The following LARGE1 variants were observed in gnomAD, a reference collection of about 807,000 sequenced individuals.
LARGE1 encodes xylosyl- and glucuronyltransferase LARGE1.
Under a neutral mutation model 87.6 loss-of-function variants are expected in LARGE1, and 43 were observed. The observed-to-expected ratio is 0.49, with a 90% CI of 0.38 to 0.63. LARGE1 has a LOEUF of 0.63. LARGE1 is among the 30% of genes least tolerant of loss of function. The pLI is 0.00. For missense variants in LARGE1, 802 were observed against 1,000.2 expected (o/e 0.80, Z 2.67); for synonymous variants, 434 against 394.6 (o/e 1.10, Z -1.18).
At chr22:33,480,964 T>G (rs982413398) in intron 6 of LARGE1, among the ~76,000 whole-genome samples, 1 of 152,152 alleles carries the variant, frequency 6.6e-6, no homozygotes, top group Non-Finnish European at 1.5e-5. Context: ...CAACTTAAAT[T>G]TAAATTTATC....
rs946151654 is a variant in LARGE1 at position 33,443,571 on chromosome 22, G to A, written c.788-11306C>T. Among the ~76,000 whole-genome samples, 7 of 152,216 alleles carry A rather than the reference G, an allele frequency of 4.6e-5. No homozygotes were observed. In the East Asian group the frequency reaches 5.8e-4, roughly 13 times the overall value. On this transcript the variant is annotated intron_variant, in intron 6 of 14. Transcript: ENST00000397394. ...GAGGACATCCTACCCAGGGCACCTCGGGAGCATAGAGAAGGAAGGCCCAAG... is the reference window on the plus strand; with the variant it reads ...GAGGACATCCTACCCAGGGCACCTCAGGAGCATAGAGAAGGAAGGCCCAAG...
intron 1 of LARGE1, among the ~76,000 whole-genome samples, chr22:33,768,893 G>C (rs1484875517): frequency 6.6e-6 from 1 of 152,128 alleles, no homozygotes; most frequent in Non-Finnish European, 1.5e-5. Flanking sequence ...AATCAGAACT[G>C]GCATTTTAAC....
At chr22:33,775,226 T>G (rs2085195878) in intron 1 of LARGE1, among the ~76,000 whole-genome samples, 1 of 152,210 alleles carries the variant, frequency 6.6e-6, no homozygotes, top group African/African-American at 2.4e-5. Flanking sequence ...GCACTGGGAA[T>G]AACCCCAAGA....
rs551261433 is a variant in LARGE1 at position 33,481,736 on chromosome 22, T to C, written c.788-49471A>G. The stretch of plus-strand genomic sequence containing the variant: ...AACAACTGCCAACATTCAAGGTGGA[T>C]ATTCCCTGGGTAAACCTTGCCCGTT... On this transcript the variant is annotated intron_variant, in intron 6 of 14. Transcript: ENST00000397394. 2.6e-5 allele frequency among the ~76,000 whole-genome samples: 4 copies of C among 152,308 alleles called. No individual in the cohort carries two copies. In the East Asian group the frequency reaches 7.7e-4, roughly 29 times the overall value.
intron 11 of LARGE1, 26 bp downstream of exon 11, chr22:33,316,058 TG>T: frequency 6.2e-7 from 1 of 1,612,096 alleles, no homozygotes; most frequent in Non-Finnish European, 8.5e-7. Context: ...GTGAGGAGAC[TG>T]GGGTGGGTGA....
chr22:33,669,988 G>C (rs1046423931), intron 2 of LARGE1, among the ~76,000 whole-genome samples: 3 of 152,168 alleles, frequency 2.0e-5, no homozygotes, highest in South Asian at 4.1e-4. Context: ...TAACCAAAGA[G>C]GATGTGAGGT....
At chr22:33,509,009 G>C (rs2070908263) in intron 6 of LARGE1, among the ~76,000 whole-genome samples, 1 of 152,192 alleles carries the variant, frequency 6.6e-6, no homozygotes, top group African/African-American at 2.4e-5. Flanking sequence ...CTGATTGTGT[G>C]GTCACAGGTA....
At chr22:33,143,013 T>G in the LARGE1 span, among the ~76,000 whole-genome samples, 9 of 152,218 alleles carry the variant, frequency 5.9e-5, no homozygotes, top group Admixed American at 5.9e-4. Flanking sequence ...TTTGAACAAC[T>G]AAGCCACTTC....
At chr22:33,155,197 A>C in the LARGE1 span, among the ~76,000 whole-genome samples, 1 of 152,238 alleles carries the variant, frequency 6.6e-6, no homozygotes, top group Non-Finnish European at 1.5e-5. Context: ...AAAGATACCC[A>C]AAAATGTGGA....
intron 7 of LARGE1, among the ~76,000 whole-genome samples, chr22:33,417,221 A>G (rs2066531919): frequency 6.6e-6 from 1 of 151,550 alleles, no homozygotes; most frequent in South Asian, 2.1e-4. Context: ...TTTAATTTCT[A>G]CTCCTAATGC....
intron 5 of LARGE1, among the ~76,000 whole-genome samples, chr22:33,576,958 G>A (rs1244541682): frequency 6.6e-6 from 1 of 152,152 alleles, no homozygotes; most frequent in African/African-American, 2.4e-5. Context: ...TCAAGTCTTG[G>A]TGGGTTGAAC....
intron 1 of LARGE1, among the ~76,000 whole-genome samples, chr22:33,836,487 G>T (rs2063111934): frequency 6.6e-6 from 1 of 152,074 alleles, no homozygotes; most frequent in African/African-American, 2.4e-5. Context: ...TGCACACCAA[G>T]AACCCTGCAA....
chr22:33,514,242 T>C (rs1225542906), intron 6 of LARGE1, among the ~76,000 whole-genome samples: 1 of 151,264 alleles, frequency 6.6e-6, no homozygotes, highest in Non-Finnish European at 1.5e-5. Flanking sequence ...TGTGTATACA[T>C]CTCACATAGC....
the LARGE1 span, among the ~76,000 whole-genome samples, chr22:33,150,683 A>G: frequency 8.4e-3 from 1,277 of 152,264 alleles, 19 homozygotes; most frequent in African/African-American, 0.027. Context: ...AGTTATTCCA[A>G]CATCATTTTT....
intron 1 of LARGE1, among the ~76,000 whole-genome samples, chr22:33,800,655 C>T (rs2086132381): frequency 6.6e-6 from 1 of 152,154 alleles, no homozygotes; most frequent in Non-Finnish European, 1.5e-5. Context: ...AGTCTCTAAC[C>T]TTTTGAGACT....
At chr22:33,778,240 A>T (rs537903467) in intron 1 of LARGE1, among the ~76,000 whole-genome samples, 4 of 152,334 alleles carry the variant, frequency 2.6e-5, no homozygotes, top group Non-Finnish European at 5.9e-5. Context: ...GATGGTTTCC[A>T]ACAGCAATGC....
rs769468710 is a variant in LARGE1 at position 33,761,512 on chromosome 22, T to C, written c.-36A>G. 6 of 1,540,170 alleles carry C rather than the reference T, an allele frequency of 3.9e-6. No individual in the cohort carries two copies. In the African/African-American group the frequency reaches 6.8e-5, roughly 17 times the overall value. Reference sequence around the variant, plus strand: ...GTGGCAATCCCTAATCCCAGCGCCGTTTCTCTGTCCGGAGCATGAAGTCCT... The same window carrying C: ...GTGGCAATCCCTAATCCCAGCGCCGCTTCTCTGTCCGGAGCATGAAGTCCT... On this transcript the variant is annotated 5_prime_UTR_variant, in exon 2 of 15. Coordinates refer to ENST00000397394, the MANE Select transcript of LARGE1 (RefSeq NM_133642.5).
At chr22:33,348,673 C>A (rs1940053450) in intron 9 of LARGE1, among the ~76,000 whole-genome samples, 1 of 151,734 alleles carries the variant, frequency 6.6e-6, no homozygotes. Flanking sequence ...TCCATTGAGG[C>A]CCTGATAGAA....
In LARGE1 at chr22:33,451,985, G is replaced by C. The variant is rs558458842; in HGVS notation, c.788-19720C>G. Among the ~76,000 whole-genome samples the C allele has an allele frequency of 2.0e-5, 3 of 152,262 alleles. No individual in the cohort carries two copies. In the South Asian group the frequency reaches 6.2e-4, roughly 32 times the overall value. On this transcript the variant is annotated intron_variant, in intron 6 of 14. Transcript: ENST00000397394. The stretch of plus-strand genomic sequence containing the variant: ...GACTAATGGTCTCCAATTACACCCA[G>C]GTTCCTCTTCACAAGGAGTCAGAGA...
Sources: allele counts gnomAD v4.1 joint callset (sites outside exome capture counted in the v4.1 genomes callset), GRCh38; gene constraint gnomAD v4.1.1; transcripts MANE v1.5; gene names NCBI Gene and HGNC (gene_info 2026-07-23, HGNC 2026-07-21).